THOC5: variants seen among roughly 807,000 people sequenced by gnomAD.
THOC5 encodes Fms-interacting protein.
THOC5 carries 43 observed loss-of-function variants against 92.9 expected under a neutral mutation model. That is an observed-to-expected ratio of 0.46 (90% CI 0.36 to 0.60). The LOEUF (loss-of-function observed/expected upper bound fraction) is 0.60, where lower values mean the gene tolerates loss of function less well. Among genes scored for constraint, THOC5 ranks in the 20% least tolerant of loss-of-function variants. The pLI, the probability that THOC5 is intolerant of heterozygous loss-of-function variation, is 0.00. For synonymous variants in THOC5, 296 were observed against 320.1 expected (o/e 0.92, Z 0.80); for missense variants, 659 against 849.4 (o/e 0.78, Z 2.79).
chr22:29,508,336 A>G lies in THOC5; in HGVS notation c.*121T>C, dbSNP rs987826362. 1.9e-6 allele frequency: 2 copies of G among 1,065,604 alleles called. No individual in the cohort carries two copies. Among genetic ancestry groups the G allele is most frequent in the Admixed American group, 4.5e-5 (2 of 44,554 alleles). The allele number at this position is 1,065,604 out of a possible 1,614,324, so 66.0% of individuals were successfully genotyped here. On this transcript the variant is annotated 3_prime_UTR_variant, in exon 20 of 20. Coordinates refer to ENST00000490103, the MANE Select transcript of THOC5 (RefSeq NM_003678.5). The stretch of plus-strand genomic sequence containing the variant: ...ACAGACAAAGGCCACTGGTCAGGTG[A>G]CGCTTTTTAATTGGCTGGTGTCTTT...
In THOC5 at chr22:29,508,538, C is replaced by A. The variant is rs776256544; in HGVS notation, c.1989-18G>T. 6.2e-7 allele frequency: 1 copy of A among 1,607,522 alleles called. No homozygotes were observed. Among genetic ancestry groups the A allele is most frequent in the South Asian group, 1.1e-5 (1 of 90,926 alleles). ...TAGGACCCCTAGAGAAATAGGAGAA[C>A]GGAGTTGTTAATAACACACCTTCTA... On this transcript the variant is annotated intron_variant, in intron 19 of 19. Coordinates refer to ENST00000490103, the MANE Select transcript of THOC5 (RefSeq NM_003678.5).
chr22:29,536,769 G>A lies in THOC5; in HGVS notation c.600-31C>T, dbSNP rs377436554. Reference sequence around the variant, plus strand: ...GGGGGAGGAAAGAGCATTGTCACCTGATATCCCCCAGTGATACCTCAACAT... The same window carrying A: ...GGGGGAGGAAAGAGCATTGTCACCTAATATCCCCCAGTGATACCTCAACAT... On this transcript the variant is annotated intron_variant, in intron 6 of 19. Coordinates refer to ENST00000490103, the MANE Select transcript of THOC5 (RefSeq NM_003678.5). 20 of 1,244,826 alleles carry A rather than the reference G, an allele frequency of 1.6e-5. No homozygotes were observed. The African/African-American group carries it at 2.5e-4, about 16-fold the overall frequency. The allele number at this position is 1,244,826 out of a possible 1,614,324, so 77.1% of individuals were successfully genotyped here.
rs889114821 is a variant in THOC5 at position 29,526,332 on chromosome 22, A to G, written c.1067-386T>C. On this transcript the variant is annotated intron_variant, in intron 11 of 19. Transcript: ENST00000490103. ...CAGATCATGAAGTCAGGAGATCGAG[A>G]CCATCCTGGCTAACACAGTGAAACC... 9.2e-5 allele frequency among the ~76,000 whole-genome samples: 14 copies of G among 152,258 alleles called. 1 individual carries two copies. In the South Asian group the frequency reaches 1.7e-3, roughly 18 times the overall value.
chr22:29,527,999 C>A, intron 11 of THOC5, 79 bp downstream of exon 11: 1 of 1,394,782 alleles, frequency 7.2e-7, no homozygotes, highest in Admixed American at 1.8e-5. Flanking sequence ...GGGTGTTTGG[C>A]TCCCGGACCC....
chr22:29,525,709 G>T, intron 12 of THOC5, 129 bp downstream of exon 12: 1 of 621,810 alleles, frequency 1.6e-6, no homozygotes. Flanking sequence ...GGTCCATCTG[G>T]ATACAAGACA....
chr22:29,528,723 CCTT>C (rs1347902140), intron 9 of THOC5, among the ~76,000 whole-genome samples: 2 of 152,104 alleles, frequency 1.3e-5, no homozygotes, highest in Non-Finnish European at 2.9e-5. Flanking sequence ...ACAAGCCCCT[CCTT>C]GTGATGGTGG....
At chr22:29,526,881 G>A (rs964755275) in intron 11 of THOC5, among the ~76,000 whole-genome samples, 2 of 152,092 alleles carry the variant, frequency 1.3e-5, no homozygotes, top group East Asian at 1.9e-4. Flanking sequence ...GCAGACTAAG[G>A]AGCATGGCAA....
At chr22:29,525,379 C>T (rs1178765372) in intron 12 of THOC5, among the ~76,000 whole-genome samples, 4 of 152,168 alleles carry the variant, frequency 2.6e-5, no homozygotes, top group Non-Finnish European at 5.9e-5. Flanking sequence ...TCAAAACTTT[C>T]ACAGGGACCC....
intron 12 of THOC5, among the ~76,000 whole-genome samples, chr22:29,524,197 G>A (rs570588726): frequency 2.0e-5 from 3 of 152,290 alleles, no homozygotes; most frequent in South Asian, 2.1e-4. Context: ...TGCTGACTTC[G>A]AATCATAATT....
chr22:29,520,933 T>C (rs941177763), intron 13 of THOC5, 65 bp downstream of exon 13: 15 of 1,299,182 alleles, frequency 1.2e-5, no homozygotes, highest in Non-Finnish European at 1.7e-5. Context: ...TCTCCAGCAT[T>C]TAGCTTGAGC....
At chr22:29,536,136 G>C (rs982538219) in intron 7 of THOC5, 1 of 152,824 alleles carries the variant, frequency 6.5e-6, no homozygotes, top group African/African-American at 2.4e-5. Flanking sequence ...ATCTGGCTTC[G>C]CAAAGCAAAT....
intron 12 of THOC5, among the ~76,000 whole-genome samples, chr22:29,522,763 G>A (rs1020363404): frequency 6.6e-6 from 1 of 152,118 alleles, no homozygotes; most frequent in East Asian, 1.9e-4. Context: ...AGCACTTTGG[G>A]AGGCCGAGGC....
Position 29,531,778 on chromosome 22 carries a change from G to A in THOC5, c.847+53C>T. 5 of 1,581,302 alleles carry A rather than the reference G, an allele frequency of 3.2e-6. No homozygotes were observed. In the South Asian group the frequency reaches 5.7e-5, roughly 18 times the overall value. ...GTACTGCTTCCAACTGATTCACTCG[G>A]CCACAGCTGCTGCTCCCATAGCCCC... is the stretch of plus-strand genomic sequence containing the variant. On this transcript the variant is annotated intron_variant, in intron 8 of 19. Coordinates refer to ENST00000490103, the MANE Select transcript of THOC5 (RefSeq NM_003678.5).
chr22:29,516,435 G>A (rs1183084636), intron 17 of THOC5, among the ~76,000 whole-genome samples: 2 of 152,202 alleles, frequency 1.3e-5, no homozygotes, highest in African/African-American at 4.8e-5. Context: ...TCAGCACCAA[G>A]TCTTGAGGGT....
At chr22:29,517,752 T>C (rs2063361337) in intron 15 of THOC5, among the ~76,000 whole-genome samples, 1 of 152,222 alleles carries the variant, frequency 6.6e-6, no homozygotes, top group African/African-American at 2.4e-5. Context: ...ACAACTGAAG[T>C]GTTGTGTGTC....
At position 29,544,574 on chromosome 22, in the gene THOC5, C is replaced by T. The variant is rs202018722; in HGVS notation, c.126G>A (p.Glu42=). 3 of 1,613,296 alleles carry T rather than the reference C, an allele frequency of 1.9e-6. No individual in the cohort carries two copies. ...QEGKYYSEEA[E]VDLRDPGRDY... is the part of the protein sequence containing the mutation. ...CTCTGCCAGGGTCCCGCAGATCCAC[C>T]TCGGCCTCCTCACTGTAGTATTTAC... The change falls in exon 3 of 20, where the codon GAG becomes GAA. Residue 42 remains glutamate (E), a synonymous_variant. Transcript: ENST00000490103.
At chr22:29,524,234 G>T (rs1487425061) in intron 12 of THOC5, among the ~76,000 whole-genome samples, 1 of 152,110 alleles carries the variant, frequency 6.6e-6, no homozygotes, top group Non-Finnish European at 1.5e-5. Flanking sequence ...TGACCTTGAG[G>T]CTACCCCTTA....
intron 17 of THOC5, 53 bp downstream of exon 17, chr22:29,516,976 G>T: frequency 6.3e-7 from 1 of 1,582,844 alleles, no homozygotes; most frequent in South Asian, 1.1e-5. Context: ...GAGAGTGTTT[G>T]ATTCTTGGCA....
chr22:29,540,772 A>G (rs757924516), intron 5 of THOC5, among the ~76,000 whole-genome samples: 8 of 152,222 alleles, frequency 5.3e-5, no homozygotes, highest in Non-Finnish European at 1.0e-4. Flanking sequence ...ATACTATCTT[A>G]TCTAACCACA....
Sources: allele counts gnomAD v4.1 joint callset (sites outside exome capture counted in the v4.1 genomes callset), GRCh38; gene constraint gnomAD v4.1.1; transcripts MANE v1.5; gene names NCBI Gene and HGNC (gene_info 2026-07-23, HGNC 2026-07-21).